The following GRM1 variants were observed in gnomAD, a reference collection of about 807,000 sequenced individuals.
GRM1 encodes metabotropic glutamate receptor 1.
Under a neutral mutation model 90.9 loss-of-function variants are expected in GRM1, and 33 were observed. That is an observed-to-expected ratio of 0.36 (90% confidence interval 0.28 to 0.49). The LOEUF (loss-of-function observed/expected upper bound fraction) is 0.49, where lower values mean the gene tolerates loss of function less well. Among genes scored for constraint, GRM1 ranks in the 20% least tolerant of loss-of-function variants. The pLI is 0.99. For synonymous variants in GRM1, 700 were observed against 613.2 expected, an observed-to-expected ratio of 1.14 and a Z score of -2.09; for missense variants, 1,190 against 1,534.3, an observed-to-expected ratio of 0.78 and a Z score of 3.75.
At chr6:146,086,389 T>G (rs1776546432) in intron 1 of GRM1, among the ~76,000 whole-genome samples, 1 of 152,026 alleles carries the variant, frequency 6.6e-6, no homozygotes, top group Non-Finnish European at 1.5e-5. Context: ...AACAGATTAG[T>G]GGAAAAGTAT....
chr6:146,354,757 T>G (rs1391498032), intron 4 of GRM1, among the ~76,000 whole-genome samples: 2 of 152,182 alleles, frequency 1.3e-5, no homozygotes, highest in Non-Finnish European at 2.9e-5. Context: ...TGTAAATATG[T>G]AATTTATAGC....
intron 6 of GRM1, among the ~76,000 whole-genome samples, chr6:146,397,596 A>T (rs362932): frequency 0.27 from 40,912 of 151,576 alleles, 6,623 homozygotes; most frequent in Non-Finnish European, 0.36. Flanking sequence ...TTCATTTTAT[A>T]TGGAGTTTTT....
intron 2 of GRM1, among the ~76,000 whole-genome samples, chr6:146,216,828 A>G (rs1034284373): frequency 6.6e-5 from 10 of 152,210 alleles, no homozygotes; most frequent in African/African-American, 1.9e-4. Context: ...TTTTCCAGCT[A>G]AGCACCACCT....
At chr6:146,051,130 C>T (rs1168771556) in intron 1 of GRM1, among the ~76,000 whole-genome samples, 2 of 152,040 alleles carry the variant, frequency 1.3e-5, no homozygotes, top group African/African-American at 4.8e-5. Flanking sequence ...CTTTCTTACC[C>T]TATCTTAGAG....
intron 3 of GRM1, among the ~76,000 whole-genome samples, chr6:146,313,890 T>C (rs941191188): frequency 7.2e-5 from 11 of 152,116 alleles, no homozygotes; most frequent in Admixed American, 2.0e-4. Context: ...CAGTCACTTA[T>C]TGATTTTCTG....
In GRM1 at chr6:146,140,239, C is replaced by CT. The variant is rs1392121454; in HGVS notation, c.701-19104dup. Among the ~76,000 whole-genome samples the CT allele has an allele frequency of 2.1e-5, 3 of 144,074 alleles. No individual in the cohort carries two copies. In the South Asian group the frequency reaches 6.8e-4, roughly 33 times the overall value. 94.5% of individuals were successfully genotyped at this position (144,074 alleles called of 152,430 possible). On this transcript the variant is annotated intron_variant, in intron 1 of 7. Coordinates refer to ENST00000282753, the MANE Select transcript of GRM1 (RefSeq NM_001278064.2). The stretch of plus-strand genomic sequence containing the variant: ...TCTGGTGGTATATTTTAATTTCTTG[C>CT]TTTTTATTTTTTGTATCCGTATTAT...
At chr6:146,138,743 C>T (rs1292703246) in intron 1 of GRM1, among the ~76,000 whole-genome samples, 1 of 151,632 alleles carries the variant, frequency 6.6e-6, no homozygotes, top group African/African-American at 2.4e-5. Context: ...TTTAGTATGT[C>T]TAAAGGTTTG....
intron 5 of GRM1, among the ~76,000 whole-genome samples, chr6:146,385,455 G>C (rs890624987): frequency 4.6e-5 from 7 of 151,782 alleles, no homozygotes; most frequent in Non-Finnish European, 8.8e-5. Context: ...TCCATACCAA[G>C]TGAAAATGTT....
At chr6:146,421,016 C>T (rs1777971282) in intron 7 of GRM1, among the ~76,000 whole-genome samples, 1 of 151,836 alleles carries the variant, frequency 6.6e-6, no homozygotes, top group Non-Finnish European at 1.5e-5. Flanking sequence ...TTGAAAATTG[C>T]CATAATAAAA....
At chr6:146,204,347 G>A (rs769878104) in intron 2 of GRM1, among the ~76,000 whole-genome samples, 5 of 152,148 alleles carry the variant, frequency 3.3e-5, no homozygotes, top group Non-Finnish European at 5.9e-5. Context: ...GAACGTTTAC[G>A]GTTAGCAAAG....
At chr6:146,395,028 A>G (rs1695024672) in intron 6 of GRM1, among the ~76,000 whole-genome samples, 1 of 152,014 alleles carries the variant, frequency 6.6e-6, no homozygotes, top group South Asian at 2.1e-4. Context: ...CTCATTTTTC[A>G]TGAGATGTAC....
intron 1 of GRM1, among the ~76,000 whole-genome samples, chr6:146,092,619 A>G (rs1299990637): frequency 1.3e-5 from 2 of 152,040 alleles, no homozygotes; most frequent in African/African-American, 4.8e-5. Flanking sequence ...GATCAAGGAC[A>G]CTAGCAGGCT....
At chr6:146,105,152 T>C (rs537221871) in intron 1 of GRM1, among the ~76,000 whole-genome samples, 22 of 152,338 alleles carry the variant, frequency 1.4e-4, no homozygotes, top group African/African-American at 5.1e-4. Flanking sequence ...AAATGATTAA[T>C]TTCAGAATCA....
intron 3 of GRM1, among the ~76,000 whole-genome samples, chr6:146,326,618 A>G (rs1447365171): frequency 6.6e-6 from 1 of 152,124 alleles, no homozygotes; most frequent in Non-Finnish European, 1.5e-5. Context: ...AGTGATATGA[A>G]TAAATAATAG....
chr6:146,162,777 A>G (rs1777778691), intron 2 of GRM1, among the ~76,000 whole-genome samples: 1 of 151,918 alleles, frequency 6.6e-6, no homozygotes, highest in African/African-American at 2.4e-5. Flanking sequence ...CTCATAGAGA[A>G]TAAAAATATT....
chr6:146,097,905 A>G (rs1582998075), intron 1 of GRM1, among the ~76,000 whole-genome samples: 1 of 152,328 alleles, frequency 6.6e-6, no homozygotes, highest in South Asian at 2.1e-4. Flanking sequence ...TTGCCTTGTG[A>G]TTAGTTATTT....
At chr6:146,073,228 C>G (rs1203366521) in intron 1 of GRM1, among the ~76,000 whole-genome samples, 11 of 152,066 alleles carry the variant, frequency 7.2e-5, no homozygotes, top group Non-Finnish European at 1.5e-5. Flanking sequence ...AGAAGATAAA[C>G]TCATCAGCAT....
chr6:146,371,223 G>A (rs904060179), intron 5 of GRM1, among the ~76,000 whole-genome samples: 1 of 152,092 alleles, frequency 6.6e-6, no homozygotes. Context: ...TGTTGCCCAA[G>A]CTCTCAAAGA....
intron 1 of GRM1, among the ~76,000 whole-genome samples, chr6:146,127,501 G>A (rs985748066): frequency 1.3e-5 from 2 of 152,160 alleles, no homozygotes; most frequent in Non-Finnish European, 2.9e-5. Flanking sequence ...GCTCACTCCT[G>A]AGGTTTGATG....
Sources: gnomAD v4.1 joint callset for allele counts (sites outside exome capture counted in the v4.1 genomes callset) on GRCh38, gnomAD v4.1.1 for gene constraint, MANE v1.5 for transcripts, NCBI Gene and HGNC (gene_info 2026-07-23, HGNC 2026-07-21) for gene names.